The following CREBL2 variants were observed in gnomAD, a reference collection of about 807,000 sequenced individuals.
The protein encoded by CREBL2 is cAMP-responsive element-binding protein-like 2.
In CREBL2, 4 loss-of-function variants were observed where a neutral mutation model predicts 19.5. The observed-to-expected ratio is 0.20, with a 90% CI of 0.10 to 0.47. CREBL2 has a LOEUF of 0.47. Ranked by LOEUF, CREBL2 falls within the 20% of genes least tolerant of loss-of-function variation. The probability of loss-of-function intolerance (pLI) is 0.98; values close to 1 mark genes in which losing one functional copy is unlikely to be tolerated. For synonymous variants in CREBL2, 42 were observed against 46.6 expected (o/e 0.90, Z 0.40); for missense variants, 85 against 145.1 (o/e 0.59, Z 2.13).
chr12:12,641,244 A>ATTTTTTTTTTTT (rs1566116871), intron 3 of CREBL2, among the ~76,000 whole-genome samples: 3 of 15,584 alleles, frequency 1.9e-4, no homozygotes, highest in African/African-American at 3.3e-4. Flanking sequence ...TATTATTATT[A>ATTTTTTTTTTTT]TTATTATTAT....
At chr12:12,621,513 C>T (rs1451107986) in intron 1 of CREBL2, among the ~76,000 whole-genome samples, 5 of 139,776 alleles carry the variant, frequency 3.6e-5, no homozygotes, top group African/African-American at 1.1e-4. Context: ...AGCAAAACTC[C>T]GTCTCAAACC....
chr12:12,624,439 A>G (rs986344801), intron 1 of CREBL2, among the ~76,000 whole-genome samples: 1 of 152,198 alleles, frequency 6.6e-6, no homozygotes, highest in African/African-American at 2.4e-5. Flanking sequence ...GTGAAGCAGG[A>G]TATTTCCCTG....
intron 1 of CREBL2, among the ~76,000 whole-genome samples, chr12:12,613,687 TC>T (rs1322486443): frequency 6.6e-6 from 1 of 152,126 alleles, no homozygotes; most frequent in East Asian, 1.9e-4. Flanking sequence ...GGGGCGAGTT[TC>T]AGGAAGCTAT....
At chr12:12,622,026 A>T (rs546338060) in intron 1 of CREBL2, among the ~76,000 whole-genome samples, 1 of 152,282 alleles carries the variant, frequency 6.6e-6, no homozygotes, top group East Asian at 1.9e-4. Flanking sequence ...TTCAAATCTC[A>T]TTTTCACCCT....
intron 1 of CREBL2, among the ~76,000 whole-genome samples, chr12:12,631,775 T>G (rs991823417): frequency 5.3e-5 from 8 of 152,232 alleles, no homozygotes; most frequent in Non-Finnish European, 1.5e-5. Flanking sequence ...CCTACATTTG[T>G]GTAATACTTT....
At chr12:12,633,504 G>T (rs1945455073) in intron 1 of CREBL2, among the ~76,000 whole-genome samples, 1 of 152,164 alleles carries the variant, frequency 6.6e-6, no homozygotes, top group South Asian at 2.1e-4. Context: ...ACCAGGTTTT[G>T]AAAACTTGAA....
chr12:12,616,657 C>T (rs891041306), intron 1 of CREBL2, among the ~76,000 whole-genome samples: 1 of 152,222 alleles, frequency 6.6e-6, no homozygotes, highest in African/African-American at 2.4e-5. Flanking sequence ...AAGGCTTTGG[C>T]AGCTCCCAGC....
chr12:12,612,267 C>T (rs1945273637), intron 1 of CREBL2, 80 bp downstream of exon 1: 1 of 1,609,774 alleles, frequency 6.2e-7, no homozygotes. Flanking sequence ...GCTATGTAGT[C>T]CACGCCAACA....
intron 1 of CREBL2, among the ~76,000 whole-genome samples, chr12:12,629,526 G>T (rs1009413341): frequency 1.4e-4 from 21 of 152,122 alleles, no homozygotes; most frequent in African/African-American, 5.1e-4. Context: ...AGGGGGGCAA[G>T]AATTCTTTTG....
chr12:12,620,192 A>C (rs936562849), intron 1 of CREBL2, among the ~76,000 whole-genome samples: 1 of 152,038 alleles, frequency 6.6e-6, no homozygotes, highest in Non-Finnish European at 1.5e-5. Context: ...CTATTAAACA[A>C]ATCTCTGACA....
chr12:12,621,621 GA>G (rs1412846551), intron 1 of CREBL2, among the ~76,000 whole-genome samples: 1 of 151,920 alleles, frequency 6.6e-6, no homozygotes, highest in Admixed American at 6.6e-5. Context: ...AGCAGAAGTA[GA>G]GGTGTGGTCA....
At chr12:12,629,122 A>G (rs144336842) in intron 1 of CREBL2, among the ~76,000 whole-genome samples, 19 of 152,240 alleles carry the variant, frequency 1.2e-4, no homozygotes, top group African/African-American at 4.6e-4. Flanking sequence ...TTCCATGTGA[A>G]CTTTAGGATT....
In CREBL2 at chr12:12,632,172, G is replaced by T. The variant is rs535462013; in HGVS notation, c.16-3605G>T. ...GGCTCACTGCAAGCTCCGCCTCCCG[G>T]GTTCACGCCATTCTCCTGCCTCAGC... is the stretch of plus-strand genomic sequence containing the variant. On this transcript the variant is annotated intron_variant, in intron 1 of 3. Transcript: ENST00000228865. Among the ~76,000 whole-genome samples, 179 of 131,654 alleles carry T rather than the reference G, an allele frequency of 1.4e-3. 3 individuals are homozygous for T. Among genetic ancestry groups the T allele is most frequent in the African/African-American group, 4.8e-3 (174 of 36,428 alleles). The allele number at this position is 131,654 out of a possible 152,430, so 86.4% of individuals were successfully genotyped here. A position where few individuals can be genotyped will look rare whatever the true frequency, so the allele number is the denominator to read the frequency against.
chr12:12,627,075 CAG>C (rs1447771745), intron 1 of CREBL2, among the ~76,000 whole-genome samples: 5 of 151,924 alleles, frequency 3.3e-5, no homozygotes, highest in Non-Finnish European at 7.4e-5. Flanking sequence ...AGATGGAGCA[CAG>C]GGGGTTTTTA....
intron 1 of CREBL2, among the ~76,000 whole-genome samples, chr12:12,618,866 C>T (rs949804695): frequency 7.2e-5 from 11 of 152,214 alleles, no homozygotes; most frequent in African/African-American, 2.7e-4. Flanking sequence ...AGCGAAACCC[C>T]GTCTCCACCA....
At chr12:12,639,166 T>C (rs116550194) in intron 3 of CREBL2, among the ~76,000 whole-genome samples, 1 of 152,244 alleles carries the variant, frequency 6.6e-6, no homozygotes, top group East Asian at 1.9e-4. Context: ...AATTCCTCTT[T>C]ATGGTCAAAT....
intron 1 of CREBL2, among the ~76,000 whole-genome samples, chr12:12,628,772 G>A (rs149915500): frequency 7.4e-4 from 112 of 152,162 alleles, no homozygotes; most frequent in African/African-American, 2.7e-3. Context: ...CACTGCACCC[G>A]GCTTGTTCAA....
intron 1 of CREBL2, among the ~76,000 whole-genome samples, chr12:12,623,170 T>G (rs1945373759): frequency 6.6e-6 from 1 of 151,652 alleles, no homozygotes; most frequent in Non-Finnish European, 1.5e-5. Flanking sequence ...TAAATCACTT[T>G]CAAAATATTG....
rs185006745 is a variant in CREBL2 at position 12,612,209 on chromosome 12, C to T, written c.15+22C>T. 60 of 1,613,528 alleles carry T rather than the reference C, an allele frequency of 3.7e-5. No homozygotes were observed. In the East Asian group the frequency reaches 1.2e-3, roughly 31 times the overall value. On this transcript the variant is annotated intron_variant, in intron 1 of 3. Coordinates refer to ENST00000228865, the MANE Select transcript of CREBL2 (RefSeq NM_001310.4). ...TAAGGTAAGTCTTGTGGTTTGCACG[C>T]GCCGCCGCCTTCTTGTCGCTCAATG... is the stretch of plus-strand genomic sequence containing the variant.
Sources: gnomAD v4.1 joint callset for allele counts (sites outside exome capture counted in the v4.1 genomes callset) on GRCh38, gnomAD v4.1.1 for gene constraint, MANE v1.5 for transcripts, NCBI Gene and HGNC (gene_info 2026-07-23, HGNC 2026-07-21) for gene names.